MAP9: variants seen among roughly 807,000 people sequenced by gnomAD.
The protein encoded by MAP9 is microtubule-associated protein 9.
MAP9 carries 80 observed loss-of-function variants against 75.2 expected under a neutral mutation model. That is an observed-to-expected ratio of 1.06 (90% CI 0.89 to 1.28). The LOEUF is 1.28. MAP9 is among the 50% of genes most tolerant of loss of function. The probability of loss-of-function intolerance (pLI) is 0.00; values close to 1 mark genes in which losing one functional copy is unlikely to be tolerated. For synonymous variants in MAP9, 235 were observed against 237.3 expected (o/e 0.99, Z 0.09); for missense variants, 753 against 719.9 (o/e 1.05, Z -0.53).
intron 1 of MAP9, 150 bp from the exon 2 acceptor site, chr4:155,376,064 C>T (rs1732826555): frequency 2.4e-6 from 1 of 410,170 alleles, no homozygotes; most frequent in African/African-American, 2.1e-5. Context: ...AAAGAAATAG[C>T]AAATTCTCAT....
In MAP9 at chr4:155,361,981, C is replaced by A; in HGVS notation, c.802+67G>T. 6.6e-6 allele frequency: 6 copies of A among 911,406 alleles called. No homozygotes were observed. In the East Asian group the frequency reaches 1.3e-4, roughly 19 times the overall value. 56.5% of individuals were successfully genotyped at this position (911,406 alleles called of 1,614,324 possible). On this transcript the variant is annotated intron_variant, in intron 6 of 13. Transcript: ENST00000311277. The stretch of plus-strand genomic sequence containing the variant: ...CTTATAACTATACAAAGTATTATTT[C>A]TCTTACAAACAGGAGTCTAAGTAGT...
At position 155,373,123 on chromosome 4, in the gene MAP9, C is replaced by A; in HGVS notation, c.481+13G>T. ...TTCCAAGAAATGCAATTACAGTAAT[C>A]CTAACAAATTACCTGAAGATGTGCT... On this transcript the variant is annotated intron_variant, in intron 4 of 13. Coordinates refer to ENST00000311277, the MANE Select transcript of MAP9 (RefSeq NM_001039580.2). The A allele has an allele frequency of 6.7e-7, 1 of 1,494,068 alleles. No homozygotes were observed. Among genetic ancestry groups the A allele is most frequent in the Non-Finnish European group, 9.0e-7 (1 of 1,114,782 alleles). The allele number at this position is 1,494,068 out of a possible 1,614,324, so 92.6% of individuals were successfully genotyped here.
rs570964351 is a variant in MAP9 at position 155,346,043 on chromosome 4, A to C, written c.*1740T>G. 6.6e-6 allele frequency: 1 copy of C among 152,182 alleles called. No homozygotes were observed. The highest frequency in any genetic ancestry group is 1.5e-5 in the Non-Finnish European group (1 of 68,026). The allele number at this position is 152,182 out of a possible 1,614,324, so 9.4% of individuals were successfully genotyped here. A position where few individuals can be genotyped will look rare whatever the true frequency, so the allele number is the denominator to read the frequency against. ...AGTATTACAGTTCTGGCCATATAGA[A>C]AGGGTTCTAGTTTTATCTATGAAAT... On this transcript the variant is annotated 3_prime_UTR_variant, in exon 14 of 14. Transcript: ENST00000311277.
rs538535885 is a variant in MAP9, at chr4:155,376,920, C to T, written c.-214G>A. The T allele has an allele frequency of 2.0e-5, 3 of 152,648 alleles. No homozygotes were observed. Among genetic ancestry groups the T allele is most frequent in the Non-Finnish European group, 4.4e-5 (3 of 68,064 alleles). The allele number at this position is 152,648 out of a possible 1,614,324, so 9.5% of individuals were successfully genotyped here. A position where few individuals can be genotyped will look rare whatever the true frequency, so the allele number is the denominator to read the frequency against. On this transcript the variant is annotated 5_prime_UTR_variant, in exon 1 of 14. In the 5' UTR this introduces an upstream ATG that the reference lacks. Transcript: ENST00000311277. ...CGCCGGGTCTCTCGGGTACCCAACA[C>T]CGCTCTTCGGCCCAACGTGTCGCTG...
chr4:155,376,574 C>G (rs1037767233), intron 1 of MAP9, 197 bp downstream of exon 1: 1 of 152,588 alleles, frequency 6.6e-6, no homozygotes, highest in Admixed American at 6.5e-5. Context: ...CAGGTGACGT[C>G]CGGGTGCTCG....
chr4:155,357,673 T>C (rs1731860091), intron 7 of MAP9, among the ~76,000 whole-genome samples, 154 bp from the exon 8 acceptor site: 1 of 152,166 alleles, frequency 6.6e-6, no homozygotes, highest in Non-Finnish European at 1.5e-5. Context: ...AAAATGCCCT[T>C]AAGAATATTA....
rs953752684 is a variant in MAP9 at position 155,347,640 on chromosome 4, A to G, written c.*143T>C. 25 of 799,470 alleles carry G rather than the reference A, an allele frequency of 3.1e-5. No individual in the cohort carries two copies. The highest frequency in any genetic ancestry group is 3.7e-5 in the Non-Finnish European group (20 of 542,748). The allele number at this position is 799,470 out of a possible 1,614,324, so 49.5% of individuals were successfully genotyped here. A position where few individuals can be genotyped will look rare whatever the true frequency, so the allele number is the denominator to read the frequency against. On this transcript the variant is annotated 3_prime_UTR_variant, in exon 14 of 14. Transcript: ENST00000311277. Reference sequence around the variant, plus strand: ...AAAATGCTTTCACTGATTACATTCCAAAGTATTTCTTTCATTGTCAGCAGG... The same window carrying G: ...AAAATGCTTTCACTGATTACATTCCGAAGTATTTCTTTCATTGTCAGCAGG...
At chr4:155,370,534 C>A (rs1315304145) in intron 4 of MAP9, among the ~76,000 whole-genome samples, 4 of 152,188 alleles carry the variant, frequency 2.6e-5, no homozygotes, top group African/African-American at 9.7e-5. Context: ...CTAAGCTGAT[C>A]CCCCTGCCTA....
At chr4:155,358,956 G>A (rs1215304815) in intron 7 of MAP9, among the ~76,000 whole-genome samples, 3 of 151,990 alleles carry the variant, frequency 2.0e-5, no homozygotes, top group Admixed American at 1.3e-4. Context: ...AAAAGGGAAT[G>A]CTTGTATACT....
chr4:155,364,761 T>A (rs1471719513), intron 5 of MAP9, among the ~76,000 whole-genome samples: 1 of 151,338 alleles, frequency 6.6e-6, no homozygotes, highest in Non-Finnish European at 1.5e-5. Context: ...AACTATATTA[T>A]TCCAAGGTTT....
intron 4 of MAP9, among the ~76,000 whole-genome samples, chr4:155,372,148 T>A (rs1208796710): frequency 6.6e-6 from 1 of 152,220 alleles, no homozygotes; most frequent in East Asian, 1.9e-4. Context: ...TTTGCTCTGC[T>A]TACATCCTTT....
intron 5 of MAP9, among the ~76,000 whole-genome samples, chr4:155,366,252 G>A (rs77322350): frequency 0.078 from 11,840 of 151,830 alleles, 1,035 homozygotes; most frequent in East Asian, 0.42. Context: ...CCAGCTACTC[G>A]GGAGGCTGAA....
chr4:155,367,846 A>G (rs2111264011), intron 5 of MAP9, among the ~76,000 whole-genome samples: 1 of 152,338 alleles, frequency 6.6e-6, no homozygotes, highest in Non-Finnish European at 1.5e-5. Flanking sequence ...TTAAGCACCA[A>G]CACTGCAGAC....
chr4:155,349,565 T>G (rs1464551735), intron 13 of MAP9: 1 of 151,726 alleles, frequency 6.6e-6, no homozygotes, highest in Non-Finnish European at 1.5e-5. Context: ...AAGTGGGAGG[T>G]TTGTTTGTTT....
chr4:155,350,235 T>G, intron 13 of MAP9: 1 of 452,394 alleles, frequency 2.2e-6, no homozygotes, highest in South Asian at 1.6e-5. Context: ...ATTTTTCTAT[T>G]CTATCTGCAA....
chr4:155,348,190 A>G (rs2076039085), intron 13 of MAP9, among the ~76,000 whole-genome samples: 1 of 152,016 alleles, frequency 6.6e-6, no homozygotes, highest in South Asian at 2.1e-4. Context: ...CACAAAAATT[A>G]GCCAGGTGTG....
chr4:155,353,315 G>T lies in MAP9; in HGVS notation c.1406C>A (p.Ala469Glu). Reference protein sequence around the residue: ...EQKKAAKREEALASFEAWKAM... With the variant: ...EQKKAAKREEELASFEAWKAM... ...CTTCCAGGCCTCAAATGATGCTAAT[G>T]CTTCTTCTCTTTTAGCAGCTTTTTT... is the stretch of plus-strand genomic sequence containing the variant. The change falls in exon 11 of 14, where the codon GCA becomes GAA. Residue 469 changes from alanine (A) to glutamate (E), a missense_variant. Coordinates refer to ENST00000311277, the MANE Select transcript of MAP9 (RefSeq NM_001039580.2). 6.3e-7 allele frequency: 1 copy of T among 1,579,324 alleles called. No individual in the cohort carries two copies.
chr4:155,346,697 A>ATAAAT lies in MAP9; in HGVS notation c.*1081_*1085dup, dbSNP rs1446544460. ...GTAGAGATTATATATTAGATGCTCAATAAATAGGAACTATATATTCTCATC... is the reference window on the plus strand; with the variant it reads ...GTAGAGATTATATATTAGATGCTCAATAAATTAAATAGGAACTATATATTCTCATC... On this transcript the variant is annotated 3_prime_UTR_variant, in exon 14 of 14. Transcript: ENST00000311277. 24 of 152,720 alleles carry ATAAAT rather than the reference A, an allele frequency of 1.6e-4. No homozygotes were observed. The highest frequency in any genetic ancestry group is 5.5e-4 in the African/African-American group (23 of 41,574). 9.5% of individuals were successfully genotyped at this position (152,720 alleles called of 1,614,324 possible).
At chr4:155,371,711 C>T (rs1446989677) in intron 4 of MAP9, among the ~76,000 whole-genome samples, 1 of 151,150 alleles carries the variant, frequency 6.6e-6, no homozygotes, top group African/African-American at 2.4e-5. Context: ...TGTAACCCAC[C>T]ACAGGTTTTT....
Sources: allele counts gnomAD v4.1 joint callset (sites outside exome capture counted in the v4.1 genomes callset), GRCh38; gene constraint gnomAD v4.1.1; transcripts MANE v1.5; gene names NCBI Gene and HGNC (gene_info 2026-07-23, HGNC 2026-07-21).